The following PDE4D variants were observed in gnomAD, a reference collection of about 807,000 sequenced individuals.
The protein encoded by PDE4D is 3',5'-cyclic-AMP phosphodiesterase 4D.
A neutral mutation model predicts 87.4 loss-of-function variants in PDE4D; 24 were observed. The ratio of observed to expected loss-of-function variants is 0.27; its 90% confidence interval spans 0.20 to 0.39. PDE4D has a LOEUF of 0.39. Ranked by LOEUF, PDE4D falls within the 10% of genes least tolerant of loss-of-function variation. The pLI is 1.00. For missense variants in PDE4D, 714 were observed against 1,041.0 expected (o/e 0.69, Z 4.32); for synonymous variants, 384 against 383.2 (o/e 1.00, Z -0.02).
At chr5:59,113,555 A>G (rs1773049851) in intron 5 of PDE4D, among the ~76,000 whole-genome samples, 2 of 152,202 alleles carry the variant, frequency 1.3e-5, no homozygotes, top group Non-Finnish European at 2.9e-5. Context: ...CTATCTATCA[A>G]AATTTCTGAA....
At chr5:59,704,595 A>G (rs764136788) in intron 1 of PDE4D, among the ~76,000 whole-genome samples, 11 of 152,232 alleles carry the variant, frequency 7.2e-5, no homozygotes, top group Non-Finnish European at 1.2e-4. Flanking sequence ...CTACTCTCAG[A>G]GAATCCACTT....
chr5:59,427,007 ACACAC>A (rs1465537330), intron 1 of PDE4D, among the ~76,000 whole-genome samples: 85 of 27,842 alleles, frequency 3.1e-3, no homozygotes, highest in Non-Finnish European at 2.1e-3. Flanking sequence ...ATACACACAC[ACACAC>A]ACACACACAC....
intron 1 of PDE4D, among the ~76,000 whole-genome samples, chr5:60,202,020 T>C (rs1741974379): frequency 6.6e-6 from 1 of 152,200 alleles, no homozygotes; most frequent in African/African-American, 2.4e-5. Context: ...ATTCAAACTT[T>C]AAATATGAAA....
At chr5:59,014,323 A>AG (rs1178309371) in intron 6 of PDE4D, among the ~76,000 whole-genome samples, 1 of 152,200 alleles carries the variant, frequency 6.6e-6, no homozygotes. Context: ...AAAGAAACAA[A>AG]GGGTATTCAA....
intron 1 of PDE4D, among the ~76,000 whole-genome samples, chr5:59,712,079 A>C (rs535361746): frequency 6.6e-6 from 1 of 152,080 alleles, no homozygotes; most frequent in Non-Finnish European, 1.5e-5. Context: ...CTGCTTTGAC[A>C]ATATTTAAAT....
intron 5 of PDE4D, among the ~76,000 whole-genome samples, chr5:59,165,303 T>G (rs1781757200): frequency 6.6e-6 from 1 of 152,220 alleles, no homozygotes; most frequent in Non-Finnish European, 1.5e-5. Flanking sequence ...AGACAGAGTC[T>G]TCCTCTGTTA....
intron 8 of PDE4D, among the ~76,000 whole-genome samples, chr5:58,991,333 G>A (rs1179102176): frequency 1.3e-5 from 2 of 152,118 alleles, no homozygotes; most frequent in Non-Finnish European, 2.9e-5. Context: ...TCAGTGTAAA[G>A]ATTGTTAGAT....
intron 1 of PDE4D, among the ~76,000 whole-genome samples, chr5:59,699,202 C>T (rs1027929943): frequency 6.6e-6 from 1 of 152,082 alleles, no homozygotes; most frequent in Non-Finnish European, 1.5e-5. Flanking sequence ...ATGGAACACA[C>T]AGAAGCAGGT....
chr5:60,197,089 A>ACAGT lies in PDE4D; in HGVS notation c.-89-11403_-89-11402insACTG, dbSNP rs1345539534. 1.4e-3 allele frequency among the ~76,000 whole-genome samples: 173 copies of ACAGT among 125,602 alleles called. 1 individual carries two copies. Among genetic ancestry groups the ACAGT allele is most frequent in the African/African-American group, 4.4e-3 (152 of 34,510 alleles). 82.4% of individuals were successfully genotyped at this position (125,602 alleles called of 152,430 possible). On this transcript the variant is annotated intron_variant, in intron 1 of 16. Transcript: ENST00000502484. ...GATAGATAGACAGTTAGATAGATAG[A>ACAGT]TAGATAGATAGATAGATAGATAGAT...
At chr5:59,626,633 T>C (rs942638969) in intron 1 of PDE4D, among the ~76,000 whole-genome samples, 6 of 152,218 alleles carry the variant, frequency 3.9e-5, no homozygotes, top group African/African-American at 1.4e-4. Flanking sequence ...TAGAAGACAT[T>C]AATATTTTAA....
At chr5:59,403,317 C>A (rs1791030980) in intron 1 of PDE4D, among the ~76,000 whole-genome samples, 1 of 152,056 alleles carries the variant, frequency 6.6e-6, no homozygotes, top group Admixed American at 6.6e-5. Flanking sequence ...CAATTATATT[C>A]TCTTAGTTAT....
At chr5:59,457,126 T>C (rs919407415) in intron 1 of PDE4D, among the ~76,000 whole-genome samples, 1 of 152,224 alleles carries the variant, frequency 6.6e-6, no homozygotes, top group African/African-American at 2.4e-5. Context: ...TCAAACAGTA[T>C]ATTACATGTT....
At chr5:59,136,711 C>T (rs1451493062) in intron 5 of PDE4D, among the ~76,000 whole-genome samples, 2 of 152,118 alleles carry the variant, frequency 1.3e-5, no homozygotes, top group Non-Finnish European at 2.9e-5. Flanking sequence ...CAGTCATGAC[C>T]AAGCAATTAG....
chr5:59,631,508 C>T (rs965587128), intron 1 of PDE4D, among the ~76,000 whole-genome samples: 4 of 152,074 alleles, frequency 2.6e-5, no homozygotes, highest in Admixed American at 6.6e-5. Flanking sequence ...GAGATCAACA[C>T]AGAAGGCAGG....
intron 2 of PDE4D, among the ~76,000 whole-genome samples, chr5:59,992,362 G>A (rs899221865): frequency 6.6e-6 from 1 of 151,826 alleles, no homozygotes; most frequent in Non-Finnish European, 1.5e-5. Flanking sequence ...CTTACAGACC[G>A]CCTATTGTGG....
intron 1 of PDE4D, among the ~76,000 whole-genome samples, chr5:60,446,189 G>A (rs950782654): frequency 6.6e-6 from 1 of 152,076 alleles, no homozygotes; most frequent in African/African-American, 2.4e-5. Flanking sequence ...CTGCTGGTAG[G>A]AGAATAAACT....
At chr5:60,404,204 T>C (rs1294447375) in intron 1 of PDE4D, among the ~76,000 whole-genome samples, 2 of 148,538 alleles carry the variant, frequency 1.3e-5, no homozygotes, top group Non-Finnish European at 3.0e-5. Flanking sequence ...TTCATTTATC[T>C]GGAGACAGAG....
At chr5:60,267,141 T>C (rs1750302424) in intron 1 of PDE4D, among the ~76,000 whole-genome samples, 1 of 152,204 alleles carries the variant, frequency 6.6e-6, no homozygotes, top group Admixed American at 6.5e-5. Flanking sequence ...TGTGTTTCCG[T>C]TACATTTACA....
At chr5:59,255,383 T>A (rs1760777138) in intron 1 of PDE4D, among the ~76,000 whole-genome samples, 2 of 152,032 alleles carry the variant, frequency 1.3e-5, no homozygotes, top group Non-Finnish European at 2.9e-5. Flanking sequence ...AAACGTAGAT[T>A]AGCCGTTGCC....
Sources: gnomAD v4.1 joint callset for allele counts (sites outside exome capture counted in the v4.1 genomes callset) on GRCh38, gnomAD v4.1.1 for gene constraint, MANE v1.5 for transcripts, NCBI Gene and HGNC (gene_info 2026-07-23, HGNC 2026-07-21) for gene names.